The following KLHDC8A variants were observed in gnomAD, a reference collection of about 807,000 sequenced individuals.
KLHDC8A encodes the protein kelch domain-containing protein 8A.
In KLHDC8A, 21 loss-of-function variants were observed where a neutral mutation model predicts 33.1. The observed-to-expected ratio is 0.64, with a 90% CI of 0.45 to 0.91. The LOEUF (loss-of-function observed/expected upper bound fraction) is 0.91. KLHDC8A is among the 40% of genes least tolerant of loss of function. The pLI is 0.00. For synonymous variants in KLHDC8A, 173 were observed against 193.5 expected (o/e 0.89, Z 0.88); for missense variants, 435 against 483.3 (o/e 0.90, Z 0.94).
upstream of KLHDC8A, chr1:205,356,944 G>A: frequency 1.1e-5 from 2 of 181,478 alleles, no homozygotes; most frequent in African/African-American, 2.4e-5. Flanking sequence ...GTGAGGGGGC[G>A]GACACGCTCA....
chr1:205,351,849 G>A (rs1663119622), intron 1 of KLHDC8A, among the ~76,000 whole-genome samples: 1 of 152,160 alleles, frequency 6.6e-6, no homozygotes, highest in East Asian at 1.9e-4. Context: ...AACCTGGGAG[G>A]TGGAGGTTGC....
chr1:205,342,594 C>T (rs887469788), intron 2 of KLHDC8A, among the ~76,000 whole-genome samples: 7 of 152,146 alleles, frequency 4.6e-5, no homozygotes, highest in African/African-American at 1.7e-4. Context: ...GAAGAGGAGA[C>T]GGAGGGAAGG....
rs191465529 is a variant in KLHDC8A, at chr1:205,341,550, G to A, written c.376+1679C>T. Among the ~76,000 whole-genome samples, 224 of 152,206 alleles carry A rather than the reference G, an allele frequency of 1.5e-3. 2 individuals are homozygous for A. The highest frequency in any genetic ancestry group is 5.1e-3 in the African/African-American group (212 of 41,548). ...CTCATCCTTTCAGACCCATCTGGGC[G>A]TCCCTGAACTACAAGCCTGGGTCGA... On this transcript the variant is annotated intron_variant, in intron 2 of 5. Coordinates refer to ENST00000367155, the MANE Select transcript of KLHDC8A (RefSeq NM_018203.3).
chr1:205,340,340 C>CGACT (rs1558684768), intron 2 of KLHDC8A, among the ~76,000 whole-genome samples: 1 of 152,150 alleles, frequency 6.6e-6, no homozygotes, highest in African/African-American at 2.4e-5. Context: ...AGCCATGGTA[C>CGACT]GACTACACGC....
At chr1:205,352,703 C>A (rs905927764) in intron 1 of KLHDC8A, among the ~76,000 whole-genome samples, 2 of 152,188 alleles carry the variant, frequency 1.3e-5, no homozygotes, top group Non-Finnish European at 2.9e-5. Flanking sequence ...AAAGGATCTG[C>A]CTGTCCTCAT....
intron 1 of KLHDC8A, among the ~76,000 whole-genome samples, chr1:205,350,682 A>C (rs1490917109): frequency 6.6e-6 from 1 of 152,182 alleles, no homozygotes; most frequent in Non-Finnish European, 1.5e-5. Context: ...ACGTCCTGGC[A>C]GAGCTGAGAG....
rs1662731715 is a variant in KLHDC8A at position 205,339,559 on chromosome 1, T to A, written c.541+85A>T. On this transcript the variant is annotated intron_variant, in intron 3 of 5. Coordinates refer to ENST00000367155, the MANE Select transcript of KLHDC8A (RefSeq NM_018203.3). This position sits in a 1 kb window ranked among gnomAD's most constrained non-coding sequence, Gnocchi z 5.1. ...GTGATTATCCCCAGTGCCGAGGAGA[T>A]GCTCAGCACACAGGCACTGCTTCCT... The A allele has an allele frequency of 1.3e-6, 2 of 1,510,616 alleles. No individual in the cohort carries two copies. Among genetic ancestry groups the A allele is most frequent in the African/African-American group, 2.7e-5 (2 of 72,868 alleles). 93.6% of individuals were successfully genotyped at this position (1,510,616 alleles called of 1,614,324 possible). A position where few individuals can be genotyped will look rare whatever the true frequency, so the allele number is the denominator to read the frequency against.
chr1:205,346,928 C>A (rs1052886809), intron 1 of KLHDC8A, among the ~76,000 whole-genome samples: 2 of 152,128 alleles, frequency 1.3e-5, no homozygotes, highest in African/African-American at 4.8e-5. Context: ...GGAATCCAGC[C>A]CCAGAATAGG....
rs879943905 is a variant in KLHDC8A, at chr1:205,347,298, C to T, written c.-189-3505G>A. On this transcript the variant is annotated intron_variant, in intron 1 of 5. Coordinates refer to ENST00000367155, the MANE Select transcript of KLHDC8A (RefSeq NM_018203.3). ...GTGTCCAGTGACTCCTTGGTCCCTC[C>T]CTACCCTATTCTAGTGTGTAACCAT... Among the ~76,000 whole-genome samples, 34 of 152,178 alleles carry T rather than the reference C, an allele frequency of 2.2e-4. 1 individual carries two copies. Among genetic ancestry groups the T allele is most frequent in the African/African-American group, 8.0e-4 (33 of 41,426 alleles).
At chr1:205,345,437 A>C (rs2105399) in intron 1 of KLHDC8A, among the ~76,000 whole-genome samples, 143,867 of 152,222 alleles carry the variant, frequency 0.95, 68,239 homozygotes, top group East Asian at 1. Flanking sequence ...ATTGATCGGT[A>C]AAGATACAAT....
In KLHDC8A at chr1:205,343,797, CG is replaced by C. The variant is rs890794128; in HGVS notation, c.-189-5del. ...CCGGCGGCGTCCACGCCTGGCCCTG[CG>C]GGGGGAACGCGGTGAATCAAGGGCA... On this transcript the variant is annotated splice_polypyrimidine_tract_variant and splice_region_variant and intron_variant, in intron 1 of 5. Transcript: ENST00000367155. 14 of 613,054 alleles carry C rather than the reference CG, an allele frequency of 2.3e-5. No individual in the cohort carries two copies. The highest frequency in any genetic ancestry group is 3.5e-5 in the Admixed American group (1 of 28,172). 38.0% of individuals were successfully genotyped at this position (613,054 alleles called of 1,614,324 possible). A position where few individuals can be genotyped will look rare whatever the true frequency, so the allele number is the denominator to read the frequency against.
chr1:205,341,414 A>G (rs1463149693), intron 2 of KLHDC8A, among the ~76,000 whole-genome samples: 2 of 151,638 alleles, frequency 1.3e-5, no homozygotes, highest in African/African-American at 4.8e-5. Flanking sequence ...CCTGCTAATG[A>G]GGAATTCACC....
intron 1 of KLHDC8A, among the ~76,000 whole-genome samples, chr1:205,347,045 C>T (rs1035907828): frequency 6.6e-5 from 10 of 152,218 alleles, no homozygotes; most frequent in Non-Finnish European, 2.9e-5. Context: ...AGGATGTCTT[C>T]CAGACCATGA....
chr1:205,336,271 G>A lies in KLHDC8A; in HGVS notation c.*1128C>T, dbSNP rs41315559. 5 of 152,368 alleles carry A rather than the reference G, an allele frequency of 3.3e-5. No homozygotes were observed. The highest frequency in any genetic ancestry group is 5.9e-5 in the Non-Finnish European group (4 of 68,044). 9.4% of individuals were successfully genotyped at this position (152,368 alleles called of 1,614,324 possible). ...ACATAAGAAGGACTGAGCTGCTGAT[G>A]AGTTATGAATGGAAGACTAACACGC... On this transcript the variant is annotated 3_prime_UTR_variant, in exon 6 of 6. Coordinates refer to ENST00000367155, the MANE Select transcript of KLHDC8A (RefSeq NM_018203.3).
intron 1 of KLHDC8A, chr1:205,351,118 C>T (rs1663091528): frequency 1.6e-6 from 1 of 640,330 alleles, no homozygotes; most frequent in Non-Finnish European, 2.8e-6. Flanking sequence ...GGTCCACTCC[C>T]CGAAGATTCC....
At chr1:205,351,584 A>C in intron 1 of KLHDC8A, 1 of 512,320 alleles carries the variant, frequency 2.0e-6, no homozygotes. Flanking sequence ...TTTTTGTTAA[A>C]TAAACTTCTG....
chr1:205,351,457 G>A (rs891039470), intron 1 of KLHDC8A: 8 of 785,830 alleles, frequency 1.0e-5, no homozygotes, highest in Non-Finnish European at 1.9e-5. Flanking sequence ...CATCATGTTA[G>A]AAGCCTTGGA....
In KLHDC8A at chr1:205,351,601, TCAAAAAA is replaced by T. The variant is rs1663108940; in HGVS notation, c.-190+4925_-190+4931del. 618 of 257,780 alleles carry T rather than the reference TCAAAAAA, an allele frequency of 2.4e-3. 1 individual carries two copies. The highest frequency in any genetic ancestry group is 5.4e-3 in the Middle Eastern group (4 of 738). The allele number at this position is 257,780 out of a possible 1,614,324, so 16.0% of individuals were successfully genotyped here. A position where few individuals can be genotyped will look rare whatever the true frequency, so the allele number is the denominator to read the frequency against. On this transcript the variant is annotated intron_variant, in intron 1 of 5. Coordinates refer to ENST00000367155, the MANE Select transcript of KLHDC8A (RefSeq NM_018203.3). ...TTTGTTAAATAAACTTCTGTAATAG[TCAAAAAA>T]AAAAAAAAAAAAAAGAGGAGGCTTT...
chr1:205,345,742 A>G (rs113956258), intron 1 of KLHDC8A, among the ~76,000 whole-genome samples: 3,050 of 152,182 alleles, frequency 0.02, 116 homozygotes, highest in African/African-American at 0.07. Context: ...CTCTGTCTCA[A>G]AAACAAAACA....
Sources: allele counts gnomAD v4.1 joint callset (sites outside exome capture counted in the v4.1 genomes callset), GRCh38; gene constraint gnomAD v4.1.1; non-coding constraint Gnocchi (gnomAD v3.1); transcripts MANE v1.5; gene names NCBI Gene and HGNC (gene_info 2026-07-23, HGNC 2026-07-21).